Variants in STK3 observed in about 807,000 individuals in gnomAD.
STK3 encodes serine/threonine kinase 3, also known as serine/threonine-protein kinase 3.
STK3 carries 41 observed loss-of-function variants against 58.0 expected under a neutral mutation model. The observed-to-expected ratio is 0.71, with a 90% CI of 0.55 to 0.92. STK3 has a LOEUF of 0.92. Ranked by LOEUF, STK3 falls within the 40% of genes least tolerant of loss-of-function variation. The pLI is 0.00. For synonymous variants in STK3, 170 were observed against 191.0 expected, an observed-to-expected ratio of 0.89 and a Z score of 0.91; for missense variants, 479 against 602.7, an observed-to-expected ratio of 0.79 and a Z score of 2.15.
chr8:98,857,826 A>G (rs1413988951), intron 3 of STK3, among the ~76,000 whole-genome samples: 1 of 152,192 alleles, frequency 6.6e-6, no homozygotes, highest in Non-Finnish European at 1.5e-5. Flanking sequence ...AATGTAAATC[A>G]TTTTATTACA....
intron 6 of STK3, among the ~76,000 whole-genome samples, chr8:98,663,394 G>A (rs1822109485): frequency 6.6e-6 from 1 of 152,220 alleles, no homozygotes; most frequent in South Asian, 2.1e-4. Flanking sequence ...AGGATGTGGA[G>A]AAATAGGAAC....
At chr8:98,725,804 TAC>T (rs1190062912) in intron 4 of STK3, among the ~76,000 whole-genome samples, 1 of 152,210 alleles carries the variant, frequency 6.6e-6, no homozygotes, top group Non-Finnish European at 1.5e-5. Context: ...CTTTACAGGT[TAC>T]AGAGTCCTCT....
intron 1 of STK3, chr8:98,905,661 G>C (rs1225089745): frequency 3.9e-6 from 3 of 761,746 alleles, no homozygotes; most frequent in Admixed American, 3.5e-5. Context: ...CTGATGAACA[G>C]CTTCATCATC....
downstream of STK3, chr8:98,882,808 A>G (rs1222959550): frequency 6.6e-6 from 1 of 152,370 alleles, no homozygotes; most frequent in African/African-American, 2.4e-5. Context: ...TAAGGAAGAA[A>G]GATGTTAAAC....
chr8:98,738,508 A>G (rs1028648863), intron 4 of STK3, among the ~76,000 whole-genome samples: 2 of 152,066 alleles, frequency 1.3e-5, no homozygotes, highest in African/African-American at 2.4e-5. Flanking sequence ...ATAAATAAAT[A>G]AAACTTATAA....
chr8:98,671,278 A>T (rs1822811582), intron 6 of STK3, among the ~76,000 whole-genome samples: 1 of 152,174 alleles, frequency 6.6e-6, no homozygotes, highest in African/African-American at 2.4e-5. Flanking sequence ...CCTTACATGG[A>T]GACTTACCAC....
chr8:98,869,891 A>G (rs1837305101), intron 3 of STK3, among the ~76,000 whole-genome samples: 1 of 151,666 alleles, frequency 6.6e-6, no homozygotes, highest in South Asian at 2.1e-4. Context: ...CATGTGCACA[A>G]TGTGCAGGTT....
At chr8:98,611,395 AAAC>A (rs1298136399) in intron 6 of STK3, among the ~76,000 whole-genome samples, 7 of 152,286 alleles carry the variant, frequency 4.6e-5, no homozygotes, top group African/African-American at 1.4e-4. Flanking sequence ...AATCAGAAAA[AAAC>A]AATAGATCTC....
intron 3 of STK3, among the ~76,000 whole-genome samples, chr8:98,395,421 C>T (rs766295062): frequency 6.2e-4 from 94 of 152,096 alleles, no homozygotes; most frequent in Admixed American, 1.7e-3. Context: ...TGGCAGAAGC[C>T]ACAGCCAAAT....
intron 3 of STK3, among the ~76,000 whole-genome samples, chr8:98,852,653 CTT>C (rs1345629972): frequency 6.6e-6 from 1 of 152,136 alleles, no homozygotes. Flanking sequence ...GTGGAAAAAA[CTT>C]TGCAGGGGCA....
chr8:98,441,823 T>C (rs1259871582), intron 1 of STK3, among the ~76,000 whole-genome samples: 2 of 152,166 alleles, frequency 1.3e-5, no homozygotes, highest in African/African-American at 4.8e-5. Context: ...TGTTCCCTTT[T>C]TGTTTCCTCA....
intron 3 of STK3, among the ~76,000 whole-genome samples, chr8:98,751,357 C>T (rs781199125): frequency 4.1e-4 from 62 of 152,268 alleles, no homozygotes; most frequent in Admixed American, 6.5e-4. Context: ...TAGAAAACCC[C>T]ATAGCCTCAG....
chr8:98,706,340 A>T, intron 6 of STK3, 127 bp downstream of exon 6: 1 of 994,452 alleles, frequency 1.0e-6, no homozygotes, highest in Non-Finnish European at 1.4e-6. Context: ...TTTAAGAGGT[A>T]ATTTTACCAT....
At chr8:98,854,393 C>T (rs893595096) in intron 3 of STK3, among the ~76,000 whole-genome samples, 1 of 152,000 alleles carries the variant, frequency 6.6e-6, no homozygotes, top group Admixed American at 6.6e-5. Context: ...CCCAACTCTG[C>T]CTCCCAAAAT....
intron 3 of STK3, chr8:98,429,567 T>G: frequency 1.7e-6 from 1 of 599,622 alleles, no homozygotes; most frequent in Non-Finnish European, 3.0e-6. Flanking sequence ...TTTTACAGTT[T>G]TTAGAATCGT....
At chr8:98,489,106 G>C (rs539881690) in intron 10 of STK3, among the ~76,000 whole-genome samples, 19 of 151,894 alleles carry the variant, frequency 1.3e-4, no homozygotes, top group African/African-American at 4.1e-4. Flanking sequence ...TTCCATTTTT[G>C]TTAAACAATG....
chr8:98,372,441 G>A (rs999752589), intron 2 of STK3, among the ~76,000 whole-genome samples: 2 of 152,178 alleles, frequency 1.3e-5, no homozygotes, highest in Non-Finnish European at 2.9e-5. Flanking sequence ...CCACTCCTGT[G>A]AGACGACGCA....
intron 3 of STK3, among the ~76,000 whole-genome samples, chr8:98,756,204 A>T (rs554173209): frequency 6.6e-6 from 1 of 152,198 alleles, no homozygotes; most frequent in South Asian, 2.1e-4. Flanking sequence ...CAACGAATAA[A>T]TAAATCACAC....
At chr8:98,685,793 A>G (rs1823946871) in intron 6 of STK3, among the ~76,000 whole-genome samples, 1 of 152,014 alleles carries the variant, frequency 6.6e-6, no homozygotes, top group Non-Finnish European at 1.5e-5. Context: ...AAAGGTAGAG[A>G]GGGGGGTGAG....
Sources: allele counts gnomAD v4.1 joint callset (sites outside exome capture counted in the v4.1 genomes callset), GRCh38; gene constraint gnomAD v4.1.1; transcripts MANE v1.5; gene names NCBI Gene and HGNC (gene_info 2026-07-23, HGNC 2026-07-21).